GRAMD4: variants seen among roughly 807,000 people sequenced by gnomAD.
The protein encoded by GRAMD4 is GRAM domain containing 4, also known as GRAM domain-containing protein 4.
In GRAMD4, 25 loss-of-function variants were observed where a neutral mutation model predicts 83.9. The ratio of observed to expected loss-of-function variants is 0.30; its 90% CI spans 0.22 to 0.42. The LOEUF (loss-of-function observed/expected upper bound fraction) is 0.42, where lower values mean the gene tolerates loss of function less well. GRAMD4 is among the 10% of genes least tolerant of loss of function. The pLI is 1.00. For synonymous variants in GRAMD4, 336 were observed against 320.9 expected (o/e 1.05, Z -0.50); for missense variants, 593 against 788.7 (o/e 0.75, Z 2.97).
Position 46,663,872 on chromosome 22 carries a change from C to T in GRAMD4, c.625+9C>T. On this transcript the variant is annotated intron_variant, in intron 7 of 18. Transcript: ENST00000406902. Reference sequence around the variant, plus strand: ...AAATATGAGACGGCTCAGTGAGTACCAGCGGCTCTGCGTGGCGCCCACGAT... The same window carrying T: ...AAATATGAGACGGCTCAGTGAGTACTAGCGGCTCTGCGTGGCGCCCACGAT... 6.2e-7 allele frequency: 1 copy of T among 1,613,282 alleles called. No homozygotes were observed. The highest frequency in any genetic ancestry group is 8.5e-7 in the Non-Finnish European group (1 of 1,179,806).
Position 46,668,550 on chromosome 22 carries a change from G to T in GRAMD4, c.931-139G>T. ...CCTAGACCAGAGCTGGGCCTTCCCC[G>T]GCCTAGGAGCAGCCGGGCAGGACCA... On this transcript the variant is annotated intron_variant, in intron 11 of 18. Coordinates refer to ENST00000406902, the MANE Select transcript of GRAMD4 (RefSeq NM_015124.5). 1.2e-6 allele frequency: 1 copy of T among 823,270 alleles called. No individual in the cohort carries two copies. The allele number at this position is 823,270 out of a possible 1,614,324, so 51.0% of individuals were successfully genotyped here. A position where few individuals can be genotyped will look rare whatever the true frequency, so the allele number is the denominator to read the frequency against.
At chr22:46,604,651 A>G (rs890936904) in intron 1 of GRAMD4, among the ~76,000 whole-genome samples, 12 of 152,230 alleles carry the variant, frequency 7.9e-5, no homozygotes, top group African/African-American at 2.7e-4. Context: ...CACAGTGTCT[A>G]TCTATGACTT....
intron 3 of GRAMD4, among the ~76,000 whole-genome samples, chr22:46,655,970 C>T (rs940734691): frequency 1.1e-4 from 16 of 152,230 alleles, no homozygotes; most frequent in African/African-American, 2.6e-4. Flanking sequence ...CTCCCCAGAA[C>T]GGAGGCGGGG....
At chr22:46,681,712 T>G (rs1189534776), downstream of GRAMD4, among the ~76,000 whole-genome samples, 1 of 152,206 alleles carries the variant, frequency 6.6e-6, no homozygotes, top group Non-Finnish European at 1.5e-5. Context: ...TGTTAATGAT[T>G]TTATTCTTGA....
At position 46,581,774 on chromosome 22, in the gene GRAMD4, G is replaced by A. The variant is rs555413242; in HGVS notation, c.-50+4484G>A. On this transcript the variant is annotated intron_variant, in intron 1 of 1. Transcript: ENST00000431155. ...TGGTAGAGGTGGGTTTGGACCAATG[G>A]GCTGTGCTTCTAACCTAAGCCCCAT... Among the ~76,000 whole-genome samples the A allele has an allele frequency of 1.3e-4, 20 of 152,348 alleles. No homozygotes were observed. In the South Asian group the frequency reaches 4.1e-3, roughly 32 times the overall value.
intron 1 of GRAMD4, among the ~76,000 whole-genome samples, chr22:46,580,303 C>T (rs530146142): frequency 1.3e-5 from 2 of 152,314 alleles, no homozygotes; most frequent in Admixed American, 6.5e-5. Flanking sequence ...ACAGTGCTTT[C>T]GAAGGCCTCT....
intron 3 of GRAMD4, among the ~76,000 whole-genome samples, chr22:46,650,822 C>T (rs2082155189): frequency 6.6e-6 from 1 of 152,206 alleles, no homozygotes. Context: ...GTGGGTGGGG[C>T]TGCCTGCAGG....
intron 18 of GRAMD4, 79 bp downstream of exon 18, chr22:46,676,747 G>A (rs767408047): frequency 8.6e-6 from 11 of 1,277,550 alleles, no homozygotes; most frequent in Non-Finnish European, 1.2e-5. Flanking sequence ...GGACCAGCGT[G>A]GGGCAGACAG....
chr22:46,666,081 G>A (rs1158211108), intron 9 of GRAMD4, among the ~76,000 whole-genome samples: 2 of 152,232 alleles, frequency 1.3e-5, no homozygotes, highest in East Asian at 3.8e-4. Flanking sequence ...TGAGCCTGCT[G>A]GGGAGGAGCT....
Position 46,585,993 on chromosome 22 carries a change from C to T in GRAMD4, c.-50+8703C>T, listed in dbSNP as rs552626808. On this transcript the variant is annotated intron_variant, in intron 1 of 1. Transcript: ENST00000431155. Reference sequence around the variant, plus strand: ...GATACCTGGCTCCTTTGTCTGCCCCCGAAGGCCCTTGTCTCTGTGCTATGG... The same window carrying T: ...GATACCTGGCTCCTTTGTCTGCCCCTGAAGGCCCTTGTCTCTGTGCTATGG... 3.5e-4 allele frequency among the ~76,000 whole-genome samples: 53 copies of T among 152,262 alleles called. No homozygotes were observed. In the East Asian group the frequency reaches 7.7e-3, roughly 22 times the overall value.
At chr22:46,670,223 C>T (rs961052401) in intron 13 of GRAMD4, among the ~76,000 whole-genome samples, 1 of 152,244 alleles carries the variant, frequency 6.6e-6, no homozygotes, top group African/African-American at 2.4e-5. Flanking sequence ...AATGCCTTTA[C>T]CATAACGCAA....
chr22:46,621,313 T>C lies in GRAMD4; in HGVS notation c.-50+748T>C, dbSNP rs1371841318. 6.6e-6 allele frequency among the ~76,000 whole-genome samples: 1 copy of C among 152,190 alleles called. No homozygotes were observed. Among genetic ancestry groups the C allele is most frequent in the African/African-American group, 2.4e-5 (1 of 41,440 alleles). On this transcript the variant is annotated intron_variant, in intron 1 of 18. Transcript: ENST00000406902. The surrounding 1 kb of genome is among the most constrained non-coding windows in gnomAD (Gnocchi z 5.8). ...TAATAGTGTCCTCCCCCAAAATTCATGTCCACCTCGTACCTGTGGACCCGA... is the reference window on the plus strand; with the variant it reads ...TAATAGTGTCCTCCCCCAAAATTCACGTCCACCTCGTACCTGTGGACCCGA...
At chr22:46,639,281 C>CATGCCTGT (rs1569280720) in intron 3 of GRAMD4, among the ~76,000 whole-genome samples, 12 of 88,284 alleles carry the variant, frequency 1.4e-4, no homozygotes, top group Non-Finnish European at 2.7e-4. Flanking sequence ...TAACCCTGTG[C>CATGCCTGT]GTGCCTGTGT....
downstream of GRAMD4, among the ~76,000 whole-genome samples, chr22:46,680,621 CCCATTCATCCCTCCAT>C (rs1209984797): frequency 6.6e-4 from 4 of 6,034 alleles, no homozygotes; most frequent in African/African-American, 1.4e-3. Flanking sequence ...CATCCACCCA[CCCATTCATCCCTCCAT>C]CCATTCATCC....
intron 13 of GRAMD4, among the ~76,000 whole-genome samples, chr22:46,671,726 G>C (rs183156738): frequency 6.6e-6 from 1 of 151,396 alleles, no homozygotes; most frequent in African/African-American, 2.4e-5. Flanking sequence ...TAGGCTCCCA[G>C]CTACTCGAGA....
intron 1 of GRAMD4, among the ~76,000 whole-genome samples, chr22:46,610,291 G>T (rs1313810792): frequency 1.3e-5 from 2 of 152,242 alleles, no homozygotes; most frequent in African/African-American, 2.4e-5. Flanking sequence ...CCTGGCGTGG[G>T]TTAGTGGGGA....
intron 3 of GRAMD4, among the ~76,000 whole-genome samples, chr22:46,643,295 T>TCATC (rs763098193): frequency 0.4 from 40,762 of 102,742 alleles, 6,646 homozygotes; most frequent in African/African-American, 0.47. Context: ...ATCCATCCAT[T>TCATC]CATCCATCCA....
downstream of GRAMD4, among the ~76,000 whole-genome samples, chr22:46,680,819 CA>C: frequency 2.0e-5 from 2 of 98,594 alleles, no homozygotes; most frequent in African/African-American, 1.4e-4. Flanking sequence ...TCCATCCATC[CA>C]TCCATCCATC....
At chr22:46,668,407 C>T (rs768706231) in intron 11 of GRAMD4, among the ~76,000 whole-genome samples, 38 of 152,180 alleles carry the variant, frequency 2.5e-4, no homozygotes, top group Non-Finnish European at 5.0e-4. Context: ...TCAGCCTCTG[C>T]GGACGGTGCG....
Sources: gnomAD v4.1 joint callset for allele counts (sites outside exome capture counted in the v4.1 genomes callset) on GRCh38, gnomAD v4.1.1 for gene constraint, Gnocchi (gnomAD v3.1) non-coding constraint, MANE v1.5 for transcripts, NCBI Gene and HGNC (gene_info 2026-07-23, HGNC 2026-07-21) for gene names.